Variants in PDZD2 observed in about 807,000 individuals in gnomAD.
PDZD2 encodes the protein PDZ domain containing 2.
Under a neutral mutation model 220.7 loss-of-function variants are expected in PDZD2, and 90 were observed. The observed-to-expected ratio is 0.41, with a 90% CI of 0.34 to 0.49. PDZD2 has a LOEUF of 0.49. Ranked by LOEUF, PDZD2 falls within the 20% of genes least tolerant of loss-of-function variation. PDZD2 has a pLI of 0.28. For synonymous variants in PDZD2, 1,375 were observed against 1,450.5 expected, an observed-to-expected ratio of 0.95 and a Z score of 1.18; for missense variants, 3,174 against 3,608.5, an observed-to-expected ratio of 0.88 and a Z score of 3.08.
At chr5:31,837,483 G>A (rs1757015098) in intron 2 of PDZD2, among the ~76,000 whole-genome samples, 1 of 152,206 alleles carries the variant, frequency 6.6e-6, no homozygotes, top group South Asian at 2.1e-4. Flanking sequence ...AGCACTTTGG[G>A]AGGCCGAGGT....
chr5:31,953,939 G>A (rs916856880), intron 2 of PDZD2, among the ~76,000 whole-genome samples: 1 of 151,916 alleles, frequency 6.6e-6, no homozygotes, highest in African/African-American at 2.4e-5. Context: ...GTGAGCCATC[G>A]CACCTGGCTA....
intron 10 of PDZD2, 110 bp from the exon 11 acceptor site, chr5:32,057,543 ATG>A: frequency 1.5e-6 from 1 of 678,330 alleles, no homozygotes; most frequent in Admixed American, 2.5e-5. Flanking sequence ...AAGTTATTTT[ATG>A]TGGTAGTAAA....
intron 2 of PDZD2, among the ~76,000 whole-genome samples, chr5:31,968,470 G>A (rs936608955): frequency 3.3e-5 from 5 of 152,062 alleles, no homozygotes; most frequent in Admixed American, 6.6e-5. Flanking sequence ...CCTGACCAAC[G>A]TGGAGAAACC....
chr5:31,664,306 A>T lies in PDZD2; in HGVS notation c.-361+24869A>T, dbSNP rs573083234. ...ACACGCACCACCGCACCCAGCTGAA[A>T]CCTCCAAGTTTTAACGGCTTAACAT... On this transcript the variant is annotated intron_variant, in intron 1 of 24. Coordinates refer to ENST00000438447, the MANE Select transcript of PDZD2 (RefSeq NM_178140.4). Among the ~76,000 whole-genome samples the T allele has an allele frequency of 2.6e-5, 4 of 151,706 alleles. No homozygotes were observed. In the East Asian group the frequency reaches 7.8e-4, roughly 29 times the overall value.
At chr5:31,784,744 T>G (rs1283476997) in intron 1 of PDZD2, among the ~76,000 whole-genome samples, 2 of 151,722 alleles carry the variant, frequency 1.3e-5, no homozygotes, top group Non-Finnish European at 2.9e-5. Flanking sequence ...CTGTCTCTAC[T>G]AAAAATACAA....
chr5:31,640,474 TG>T (rs1744907591), intron 1 of PDZD2, among the ~76,000 whole-genome samples: 2 of 152,240 alleles, frequency 1.3e-5, no homozygotes, highest in African/African-American at 4.8e-5. Context: ...TGGATATGTT[TG>T]CCTTGACAAA....
At chr5:31,857,307 G>A (rs562032288) in intron 2 of PDZD2, among the ~76,000 whole-genome samples, 20 of 152,204 alleles carry the variant, frequency 1.3e-4, no homozygotes, top group Admixed American at 1.0e-3. Context: ...CCATCATTGT[G>A]GGGTCTCCTC....
intron 2 of PDZD2, among the ~76,000 whole-genome samples, chr5:31,954,743 A>G (rs1013742574): frequency 6.6e-6 from 1 of 152,138 alleles, no homozygotes; most frequent in African/African-American, 2.4e-5. Flanking sequence ...CCTGGCTAAC[A>G]TGGTGAAACC....
chr5:32,040,195 C>T (rs1393986215), intron 7 of PDZD2, among the ~76,000 whole-genome samples: 2 of 149,620 alleles, frequency 1.3e-5, no homozygotes, highest in Non-Finnish European at 3.0e-5. Context: ...AGATGAGGAG[C>T]GCTTCTGCCC....
intron 1 of PDZD2, among the ~76,000 whole-genome samples, chr5:31,748,295 T>C (rs1309232731): frequency 6.6e-6 from 1 of 152,160 alleles, no homozygotes; most frequent in Non-Finnish European, 1.5e-5. Context: ...GATGAGAGCG[T>C]TGGAGTCAGA....
chr5:31,822,681 C>T (rs998618179), intron 2 of PDZD2: 57 of 1,316,592 alleles, frequency 4.3e-5, no homozygotes, highest in Non-Finnish European at 5.6e-5. Context: ...TTGAAACAAG[C>T]TCAATGTCAT....
At chr5:31,916,929 G>A (rs1743740693) in intron 2 of PDZD2, among the ~76,000 whole-genome samples, 1 of 152,208 alleles carries the variant, frequency 6.6e-6, no homozygotes, top group South Asian at 2.1e-4. Flanking sequence ...CCCAGTTTGT[G>A]TGAAACTGTT....
intron 7 of PDZD2, among the ~76,000 whole-genome samples, chr5:32,042,333 G>A (rs1277249965): frequency 1.3e-5 from 2 of 151,554 alleles, no homozygotes; most frequent in South Asian, 2.1e-4. Flanking sequence ...AGGCCGAGGC[G>A]GGTGGATCAC....
chr5:32,014,776 C>T (rs1178515670), intron 6 of PDZD2, among the ~76,000 whole-genome samples: 7 of 134,008 alleles, frequency 5.2e-5, no homozygotes, highest in Admixed American at 1.7e-4. Flanking sequence ...AGTGCAGTGG[C>T]GCAATCTCTG....
At chr5:31,847,434 T>G in intron 2 of PDZD2, 1 of 543,920 alleles carries the variant, frequency 1.8e-6, no homozygotes. Flanking sequence ...AGAGTTCGCG[T>G]AACAGAGATA....
At chr5:32,069,803 G>A (rs1314247590) in intron 15 of PDZD2, among the ~76,000 whole-genome samples, 153 bp downstream of exon 15, 1 of 152,166 alleles carries the variant, frequency 6.6e-6, no homozygotes, top group East Asian at 1.9e-4. Flanking sequence ...TCTCTTGGCT[G>A]TTAGTTTTGA....
At chr5:31,751,250 A>C (rs1349437358) in intron 1 of PDZD2, among the ~76,000 whole-genome samples, 1 of 149,378 alleles carries the variant, frequency 6.7e-6, no homozygotes, top group Non-Finnish European at 1.5e-5. Context: ...TCCAAAAAAA[A>C]AAAAAAAGAG....
Position 31,704,049 on chromosome 5 carries a change from A to G in PDZD2, c.-361+64612A>G, listed in dbSNP as rs185182568. Among the ~76,000 whole-genome samples, 12 of 141,026 alleles carry G rather than the reference A, an allele frequency of 8.5e-5. No individual in the cohort carries two copies. In the Admixed American group the frequency reaches 9.2e-4, roughly 11 times the overall value. 92.5% of individuals were successfully genotyped at this position (141,026 alleles called of 152,430 possible). A position where few individuals can be genotyped will look rare whatever the true frequency, so the allele number is the denominator to read the frequency against. ...TTCCTTTCTTTCTTGATCTTGCTGT[A>G]TCACCCAGGCTGGAGTGCAGTGGCA... On this transcript the variant is annotated intron_variant, in intron 1 of 24. Coordinates refer to ENST00000438447, the MANE Select transcript of PDZD2 (RefSeq NM_178140.4).
chr5:31,940,605 T>G (rs1746129967), intron 2 of PDZD2, among the ~76,000 whole-genome samples: 1 of 152,218 alleles, frequency 6.6e-6, no homozygotes, highest in Non-Finnish European at 1.5e-5. Flanking sequence ...GTATTTTTGG[T>G]AATTTTGAGG....
Sources: gnomAD v4.1 joint callset for allele counts (sites outside exome capture counted in the v4.1 genomes callset) on GRCh38, gnomAD v4.1.1 for gene constraint, MANE v1.5 for transcripts, NCBI Gene and HGNC (gene_info 2026-07-23, HGNC 2026-07-21) for gene names.